The following CDH2 variants were observed in gnomAD, a reference collection of about 807,000 sequenced individuals.
The protein encoded by CDH2 is cadherin 2.
In CDH2, 17 loss-of-function variants were observed where a neutral mutation model predicts 92.0. The ratio of observed to expected loss-of-function variants is 0.18; its 90% CI spans 0.13 to 0.28. The LOEUF is 0.28. CDH2 is among the 10% of genes least tolerant of loss of function. The pLI is 1.00. For synonymous variants in CDH2, 419 were observed against 415.9 expected (o/e 1.01, Z -0.09); for missense variants, 862 against 1,133.1 (o/e 0.76, Z 3.44).
At chr18:27,990,398 T>A in intron 9 of CDH2, 48 bp from the exon 10 acceptor site, 2 of 1,545,460 alleles carry the variant, frequency 1.3e-6, no homozygotes, top group Non-Finnish European at 1.8e-6. Flanking sequence ...TAAGAATGCT[T>A]GCATTCTGTA....
At chr18:28,075,479 T>C (rs770637892) in intron 2 of CDH2, among the ~76,000 whole-genome samples, 1 of 152,148 alleles carries the variant, frequency 6.6e-6, no homozygotes, top group Non-Finnish European at 1.5e-5. Context: ...AAGGTCTCCA[T>C]GGGATGAACA....
At chr18:28,135,138 C>A (rs916990446) in intron 2 of CDH2, among the ~76,000 whole-genome samples, 1 of 152,168 alleles carries the variant, frequency 6.6e-6, no homozygotes, top group Non-Finnish European at 1.5e-5. Flanking sequence ...CTACCTGACT[C>A]ATAGGGTGTG....
At chr18:28,119,638 C>G (rs1409904159) in intron 2 of CDH2, among the ~76,000 whole-genome samples, 1 of 151,786 alleles carries the variant, frequency 6.6e-6, no homozygotes, top group Admixed American at 6.6e-5. Context: ...TTATATATAC[C>G]ACCTCTATTG....
chr18:27,945,015 T>C (rs2143839327), intron 6 of CDH2, among the ~76,000 whole-genome samples: 1 of 152,308 alleles, frequency 6.6e-6, no homozygotes, highest in South Asian at 2.1e-4. Context: ...GCATATCCAT[T>C]TGTTGTACTA....
At chr18:28,006,790 C>A (rs1249431897) in intron 5 of CDH2, among the ~76,000 whole-genome samples, 1 of 150,168 alleles carries the variant, frequency 6.7e-6, no homozygotes, top group Non-Finnish European at 1.5e-5. Flanking sequence ...AGAAAATAAT[C>A]TAGAAAGAAG....
chr18:28,115,430 G>A (rs1331375276), intron 2 of CDH2, among the ~76,000 whole-genome samples: 6 of 152,130 alleles, frequency 3.9e-5, no homozygotes, highest in Non-Finnish European at 7.4e-5. Flanking sequence ...ACATCCACCA[G>A]TGACTTAGCA....
intron 3 of CDH2, among the ~76,000 whole-genome samples, chr18:28,013,215 T>C (rs757603334): frequency 4.6e-5 from 7 of 152,120 alleles, no homozygotes; most frequent in Admixed American, 2.6e-4. Flanking sequence ...TCCTAAAAAG[T>C]CATGTTGGTA....
chr18:28,135,896 C>T (rs1398314567), intron 2 of CDH2, among the ~76,000 whole-genome samples: 3 of 152,138 alleles, frequency 2.0e-5, no homozygotes, highest in Non-Finnish European at 2.9e-5. Context: ...ACAAATTATG[C>T]ATATTTTTCC....
intron 6 of CDH2, among the ~76,000 whole-genome samples, chr18:27,942,637 A>G (rs1178537682): frequency 6.6e-6 from 1 of 152,230 alleles, no homozygotes; most frequent in East Asian, 1.9e-4. Flanking sequence ...ATGCTGCATA[A>G]AGAAACAGAA....
At chr18:28,012,359 A>C (rs1389848415) in intron 3 of CDH2, among the ~76,000 whole-genome samples, 2 of 152,238 alleles carry the variant, frequency 1.3e-5, no homozygotes, top group Non-Finnish European at 2.9e-5. Context: ...ACTGTACATT[A>C]AATTTAGATC....
At position 27,963,076 on chromosome 18, in the gene CDH2, AAAAT is replaced by A. The variant is rs1463600167; in HGVS notation, c.2514+277_2514+280del. Among the ~76,000 whole-genome samples, 7 of 152,300 alleles carry A rather than the reference AAAAT, an allele frequency of 4.6e-5. No individual in the cohort carries two copies. The East Asian group carries it at 1.2e-3, about 25-fold the overall frequency. On this transcript the variant is annotated intron_variant, in intron 15 of 15. Coordinates refer to ENST00000269141, the MANE Select transcript of CDH2 (RefSeq NM_001792.5). ...ATTTATTACTTGTAATCTAGGAAAA[AAAAT>A]CCTTCTCGGAGACAGTGTGACTAAT...
Position 28,177,084 on chromosome 18 carries a change from A to AGGAGGAGGAGGCAGCGGC in CDH2, c.-80_-63dup. Reference sequence around the variant, plus strand: ...GCGGCGGCGGCGGCGGCGGCGGCGGAGGAGGAGGAGGCAGCGGCAGCACCA... The same window carrying AGGAGGAGGAGGCAGCGGC: ...GCGGCGGCGGCGGCGGCGGCGGCGGAGGAGGAGGAGGCAGCGGCGGAGGAGGAGGCAGCGGCAGCACCA... On this transcript the variant is annotated 5_prime_UTR_variant, in exon 1 of 16. Transcript: ENST00000269141. 9.8e-7 allele frequency: 1 copy of AGGAGGAGGAGGCAGCGGC among 1,018,970 alleles called. No individual in the cohort carries two copies. The highest frequency in any genetic ancestry group is 1.4e-6 in the Non-Finnish European group (1 of 736,318). 63.1% of individuals were successfully genotyped at this position (1,018,970 alleles called of 1,614,324 possible). A position where few individuals can be genotyped will look rare whatever the true frequency, so the allele number is the denominator to read the frequency against.
intron 2 of CDH2, among the ~76,000 whole-genome samples, chr18:28,094,565 C>T (rs7233489): frequency 2.8e-3 from 426 of 151,534 alleles, no homozygotes; most frequent in African/African-American, 9.8e-3. Flanking sequence ...GAGGCTGAGG[C>T]GGGCGGATCA....
chr18:28,176,021 G>A (rs1437944023), intron 1 of CDH2, among the ~76,000 whole-genome samples: 1 of 152,236 alleles, frequency 6.6e-6, no homozygotes, highest in East Asian at 1.9e-4. Context: ...GCGGCGGAAA[G>A]TTGGGCTGCC....
chr18:28,171,107 G>C (rs145643309), intron 1 of CDH2, among the ~76,000 whole-genome samples: 2 of 151,802 alleles, frequency 1.3e-5, no homozygotes, highest in African/African-American at 2.4e-5. Context: ...GGTGGCACAC[G>C]TAATCCCAGC....
At chr18:28,036,841 C>T (rs371660035) in intron 2 of CDH2, among the ~76,000 whole-genome samples, 8 of 152,052 alleles carry the variant, frequency 5.3e-5, no homozygotes, top group East Asian at 1.9e-4. Flanking sequence ...CAAAATACAA[C>T]GTAAGAATAA....
intron 15 of CDH2, among the ~76,000 whole-genome samples, chr18:27,953,435 A>T (rs963763502): frequency 6.6e-6 from 1 of 152,124 alleles, no homozygotes; most frequent in Non-Finnish European, 1.5e-5. Flanking sequence ...ATTAGTCTCC[A>T]AACAATCGTT....
At chr18:28,122,351 T>C (rs929837844) in intron 2 of CDH2, among the ~76,000 whole-genome samples, 1 of 152,188 alleles carries the variant, frequency 6.6e-6, no homozygotes. Context: ...AGTGTTGTAC[T>C]ATGGTATTTG....
chr18:27,956,856 G>A (rs2011259205), intron 15 of CDH2, among the ~76,000 whole-genome samples: 1 of 152,120 alleles, frequency 6.6e-6, no homozygotes, highest in Non-Finnish European at 1.5e-5. Context: ...TACACAGAGA[G>A]GGAAAAAACT....
Sources: allele counts gnomAD v4.1 joint callset (sites outside exome capture counted in the v4.1 genomes callset), GRCh38; gene constraint gnomAD v4.1.1; transcripts MANE v1.5; gene names NCBI Gene and HGNC (gene_info 2026-07-23, HGNC 2026-07-21).